AUH: variants seen among roughly 807,000 people sequenced by gnomAD.
AUH encodes methylglutaconyl-CoA hydratase, mitochondrial.
A neutral mutation model predicts 42.3 loss-of-function variants in AUH; 29 were observed. That is an observed-to-expected ratio of 0.69 (90% CI 0.51 to 0.93). The LOEUF is 0.93. AUH is among the 40% of genes least tolerant of loss of function. The pLI is 0.00. For missense variants in AUH, 452 were observed against 438.1 expected (o/e 1.03, Z -0.28); for synonymous variants, 174 against 166.4 (o/e 1.05, Z -0.35).
chr9:91,353,070 C>T (rs960259038), intron 3 of AUH, among the ~76,000 whole-genome samples: 6 of 151,482 alleles, frequency 4.0e-5, no homozygotes, highest in African/African-American at 1.5e-4. Flanking sequence ...AATCAATAAA[C>T]GGTACACTGT....
chr9:91,318,970 T>C (rs1333904558), intron 4 of AUH, among the ~76,000 whole-genome samples: 1 of 152,234 alleles, frequency 6.6e-6, no homozygotes, highest in Non-Finnish European at 1.5e-5. Flanking sequence ...GGACCCTCTT[T>C]TGGTTACATG....
intron 5 of AUH, 117 bp from the exon 6 acceptor site, chr9:91,296,194 A>ATTATTTTTTTTTTT: frequency 9.8e-7 from 1 of 1,019,522 alleles, no homozygotes; most frequent in Non-Finnish European, 1.4e-6. Flanking sequence ...GATATCACAA[A>ATTATTTTTTTTTTT]TTCTTAAAAA....
intron 6 of AUH, among the ~76,000 whole-genome samples, chr9:91,252,090 C>T (rs774688268): frequency 2.6e-5 from 4 of 152,148 alleles, no homozygotes; most frequent in Non-Finnish European, 5.9e-5. Flanking sequence ...CCTCCGCCTC[C>T]TCAGTAGCTG....
chr9:91,215,523 C>A (rs1826770972), intron 9 of AUH, among the ~76,000 whole-genome samples: 2 of 152,070 alleles, frequency 1.3e-5, no homozygotes, highest in African/African-American at 4.8e-5. Flanking sequence ...CAGATGCAAC[C>A]ATCTTTTTTT....
intron 6 of AUH, among the ~76,000 whole-genome samples, chr9:91,239,755 A>ACATG (rs141991817): frequency 0.072 from 11,008 of 152,180 alleles, 684 homozygotes; most frequent in East Asian, 0.25. Context: ...GCACACACAC[A>ACATG]CATGCACACA....
intron 6 of AUH, among the ~76,000 whole-genome samples, chr9:91,235,927 G>A (rs575698146): frequency 1.3e-5 from 2 of 152,310 alleles, no homozygotes; most frequent in African/African-American, 4.8e-5. Flanking sequence ...AGATGGCACA[G>A]CAGAAAGACA....
intron 3 of AUH, among the ~76,000 whole-genome samples, chr9:91,326,983 G>A (rs1830004636): frequency 1.3e-5 from 2 of 152,032 alleles, no homozygotes; most frequent in African/African-American, 4.8e-5. Flanking sequence ...CTCATCTCAA[G>A]TGGGCCATTC....
chr9:91,331,486 A>T (rs1830321073), intron 3 of AUH, among the ~76,000 whole-genome samples: 1 of 152,226 alleles, frequency 6.6e-6, no homozygotes, highest in Non-Finnish European at 1.5e-5. Flanking sequence ...TGAACTTTAT[A>T]TCTCCTGTTA....
At chr9:91,288,905 T>A (rs1826637850) in intron 6 of AUH, among the ~76,000 whole-genome samples, 1 of 152,188 alleles carries the variant, frequency 6.6e-6, no homozygotes, top group Admixed American at 6.5e-5. Context: ...TATTTTATAA[T>A]AGCATTTTTT....
chr9:91,231,018 GC>G (rs1005731110), intron 6 of AUH, among the ~76,000 whole-genome samples: 2 of 152,202 alleles, frequency 1.3e-5, no homozygotes, highest in Non-Finnish European at 2.9e-5. Context: ...TCTGTGCCCT[GC>G]CCCCAGAGGT....
chr9:91,219,074 G>C, intron 7 of AUH: 2 of 972,158 alleles, frequency 2.1e-6, no homozygotes, highest in Non-Finnish European at 1.2e-6. Flanking sequence ...ACAATGGGAT[G>C]CGGCTCGACA....
rs1476395215 is a variant in AUH at position 91,309,622 on chromosome 9, A to C, written c.506-11546T>G. Among the ~76,000 whole-genome samples, 3 of 152,184 alleles carry C rather than the reference A, an allele frequency of 2.0e-5. No individual in the cohort carries two copies. In the East Asian group the frequency reaches 5.8e-4, roughly 29 times the overall value. ...GGAAGCAAAACAATGGGTATACATG[A>C]ACATAAAGATGGAAATAACAGACAC... On this transcript the variant is annotated intron_variant, in intron 4 of 9. Coordinates refer to ENST00000375731, the MANE Select transcript of AUH (RefSeq NM_001698.3).
In AUH at chr9:91,298,113, G is replaced by C. The variant is rs1455111334; in HGVS notation, c.506-37C>G. On this transcript the variant is annotated intron_variant, in intron 4 of 9. Transcript: ENST00000375731. Reference sequence around the variant, plus strand: ...AGAAAATTTTATGCTTCCTTAATAAGATTATTATCTCACTGTGTAATTCAT... The same window carrying C: ...AGAAAATTTTATGCTTCCTTAATAACATTATTATCTCACTGTGTAATTCAT... 6 of 1,463,600 alleles carry C rather than the reference G, an allele frequency of 4.1e-6. No individual in the cohort carries two copies. The African/African-American group carries it at 7.0e-5, about 17-fold the overall frequency. The allele number at this position is 1,463,600 out of a possible 1,614,324, so 90.7% of individuals were successfully genotyped here.
chr9:91,359,291 CAGA>C (rs893979325), intron 1 of AUH, among the ~76,000 whole-genome samples: 1 of 152,172 alleles, frequency 6.6e-6, no homozygotes, highest in African/African-American at 2.4e-5. Context: ...TTCCCTTCCC[CAGA>C]AGAAGCCACA....
At chr9:91,353,508 G>A (rs1201633592) in intron 3 of AUH, among the ~76,000 whole-genome samples, 1 of 152,102 alleles carries the variant, frequency 6.6e-6, no homozygotes, top group Admixed American at 6.5e-5. Flanking sequence ...AATATAGGCT[G>A]TAAGTTTAAA....
chr9:91,220,294 CAGAA>C (rs1827058816), intron 7 of AUH, among the ~76,000 whole-genome samples: 1 of 152,226 alleles, frequency 6.6e-6, no homozygotes, highest in African/African-American at 2.4e-5. Flanking sequence ...GGCAAACACA[CAGAA>C]AGACAAACAA....
chr9:91,331,335 T>G (rs909904184), intron 3 of AUH, among the ~76,000 whole-genome samples: 5 of 152,222 alleles, frequency 3.3e-5, no homozygotes, highest in African/African-American at 1.2e-4. Flanking sequence ...GCTTTGTGAA[T>G]GGCAGTATCA....
chr9:91,214,432 A>G lies in AUH; in HGVS notation c.943-7T>C. 6.3e-7 allele frequency: 1 copy of G among 1,593,500 alleles called. No individual in the cohort carries two copies. The highest frequency in any genetic ancestry group is 8.6e-7 in the Non-Finnish European group (1 of 1,166,830). On this transcript the variant is annotated splice_region_variant and splice_polypyrimidine_tract_variant and intron_variant, in intron 9 of 9. Coordinates refer to ENST00000375731, the MANE Select transcript of AUH (RefSeq NM_001698.3). ...TGTCTTTTGTTGGAATGGTCTAAGA[A>G]AAACAAAATATTAAATATGTCAAAA...
At chr9:91,313,003 G>A (rs1260748450) in intron 4 of AUH, among the ~76,000 whole-genome samples, 1 of 152,110 alleles carries the variant, frequency 6.6e-6, no homozygotes, top group Non-Finnish European at 1.5e-5. Flanking sequence ...TTAAAGTAAG[G>A]TAGAAACAAG....
Sources: allele counts gnomAD v4.1 joint callset (sites outside exome capture counted in the v4.1 genomes callset), GRCh38; gene constraint gnomAD v4.1.1; transcripts MANE v1.5; gene names NCBI Gene and HGNC (gene_info 2026-07-23, HGNC 2026-07-21).